The following SLC37A3 variants were observed in gnomAD, a reference collection of about 807,000 sequenced individuals.
SLC37A3 encodes sugar phosphate exchanger 3.
A neutral mutation model predicts 67.1 loss-of-function variants in SLC37A3; 51 were observed. The ratio of observed to expected loss-of-function variants is 0.76; its 90% CI spans 0.61 to 0.96. The LOEUF (loss-of-function observed/expected upper bound fraction) is 0.96. SLC37A3 is among the 40% of genes least tolerant of loss of function. The pLI is 0.00. For missense variants in SLC37A3, 508 were observed against 603.0 expected, an observed-to-expected ratio of 0.84 and a Z score of 1.65; for synonymous variants, 214 against 231.4, an observed-to-expected ratio of 0.92 and a Z score of 0.68.
At chr7:140,368,890 C>G (rs1797711353) in intron 4 of SLC37A3, among the ~76,000 whole-genome samples, 1 of 152,178 alleles carries the variant, frequency 6.6e-6, no homozygotes. Context: ...CCCCCAACCT[C>G]TATTACTGTT....
intron 3 of SLC37A3, among the ~76,000 whole-genome samples, chr7:140,374,784 G>A (rs939371771): frequency 1.3e-5 from 2 of 152,004 alleles, no homozygotes; most frequent in African/African-American, 2.4e-5. Context: ...CTTGAGCCCA[G>A]GACTTCAAGG....
rs749727799 is a variant in SLC37A3, at chr7:140,345,987, G to C, written c.1025-17C>G. 6.3e-7 allele frequency: 1 copy of C among 1,592,810 alleles called. No individual in the cohort carries two copies. Among genetic ancestry groups the C allele is most frequent in the Non-Finnish European group, 8.6e-7 (1 of 1,161,006 alleles). On this transcript the variant is annotated splice_polypyrimidine_tract_variant and intron_variant, in intron 10 of 14. Coordinates refer to ENST00000326232, the MANE Select transcript of SLC37A3 (RefSeq NM_207113.3). ...AAGTTCCACCTTCAAGCAGAGTGTCGAGCAATCAAAATCACTTCTAATTTA... is the reference window on the plus strand; with the variant it reads ...AAGTTCCACCTTCAAGCAGAGTGTCCAGCAATCAAAATCACTTCTAATTTA...
rs749727799 is a variant in SLC37A3, at chr7:140,345,987, G to A, written c.1025-17C>T. 1.1e-5 allele frequency: 17 copies of A among 1,592,810 alleles called. No individual in the cohort carries two copies. Among genetic ancestry groups the A allele is most frequent in the South Asian group, 3.3e-5 (3 of 90,644 alleles). On this transcript the variant is annotated splice_polypyrimidine_tract_variant and intron_variant, in intron 10 of 14. Coordinates refer to ENST00000326232, the MANE Select transcript of SLC37A3 (RefSeq NM_207113.3). ...AAGTTCCACCTTCAAGCAGAGTGTC[G>A]AGCAATCAAAATCACTTCTAATTTA...
intron 6 of SLC37A3, 142 bp from the exon 7 acceptor site, chr7:140,355,906 T>A: frequency 3.0e-6 from 2 of 667,182 alleles, no homozygotes; most frequent in Non-Finnish European, 5.1e-6. Flanking sequence ...AAAAATACAC[T>A]AAAATGGGCT....
intron 10 of SLC37A3, among the ~76,000 whole-genome samples, chr7:140,347,723 A>G (rs1261908559): frequency 6.6e-6 from 1 of 151,346 alleles, no homozygotes; most frequent in Non-Finnish European, 1.5e-5. Context: ...CCTTGTTCAT[A>G]CTTATTACCT....
intron 2 of SLC37A3, among the ~76,000 whole-genome samples, chr7:140,380,648 C>A (rs542828905): frequency 6.6e-6 from 1 of 151,948 alleles, no homozygotes; most frequent in South Asian, 2.1e-4. Context: ...GGGCTCAAGC[C>A]AGCCTCCCAG....
chr7:140,382,599 G>GGTCGCCGCTCTCCAGCCCCGGCTCCGCTC lies in SLC37A3; in HGVS notation c.-70-4_-70-3insGAGCGGAGCCGGGGCTGGAGAGCGGCGAC. On this transcript the variant is annotated splice_region_variant and splice_polypyrimidine_tract_variant and intron_variant, in intron 1 of 14. Coordinates refer to ENST00000326232, the MANE Select transcript of SLC37A3 (RefSeq NM_207113.3). The stretch of plus-strand genomic sequence containing the variant: ...GTGATTTACATCATTTCTTCCTTCT[G>GGTCGCCGCTCTCCAGCCCCGGCTCCGCTC]GAAAGACAAAACACATTATGGACAT... The GGTCGCCGCTCTCCAGCCCCGGCTCCGCTC allele has an allele frequency of 3.0e-6, 4 of 1,345,828 alleles. No individual in the cohort carries two copies. The highest frequency in any genetic ancestry group is 3.2e-6 in the Non-Finnish European group (3 of 945,468). 83.4% of individuals were successfully genotyped at this position (1,345,828 alleles called of 1,614,324 possible).
At chr7:140,393,022 G>A (rs1016069896) in intron 1 of SLC37A3, among the ~76,000 whole-genome samples, 1 of 152,100 alleles carries the variant, frequency 6.6e-6, no homozygotes, top group African/African-American at 2.4e-5. Context: ...AACCCAGGAG[G>A]TGGAGGTTGC....
intron 3 of SLC37A3, among the ~76,000 whole-genome samples, chr7:140,374,814 T>C (rs1450136566): frequency 6.6e-6 from 1 of 151,566 alleles, no homozygotes; most frequent in African/African-American, 2.4e-5. Flanking sequence ...GCTATGATCA[T>C]GCCACTGTAC....
At chr7:140,375,174 C>CA (rs71170987) in intron 3 of SLC37A3, among the ~76,000 whole-genome samples, 132 of 141,554 alleles carry the variant, frequency 9.3e-4, no homozygotes, top group Middle Eastern at 3.8e-3. Context: ...CAAAAAACAA[C>CA]AAAAAAAAAA....
At chr7:140,393,419 C>T (rs1208264178) in intron 1 of SLC37A3, among the ~76,000 whole-genome samples, 1 of 152,190 alleles carries the variant, frequency 6.6e-6, no homozygotes, top group Non-Finnish European at 1.5e-5. Context: ...AATCCTTTGC[C>T]AGGCCGCCTG....
chr7:140,395,505 C>G (rs1236847338), intron 1 of SLC37A3, among the ~76,000 whole-genome samples: 1 of 150,538 alleles, frequency 6.6e-6, no homozygotes, highest in African/African-American at 2.4e-5. Flanking sequence ...GTCAGGAGTT[C>G]TAGACCACCC....
At chr7:140,350,422 T>C (rs1051585154) in intron 9 of SLC37A3, among the ~76,000 whole-genome samples, 1 of 152,180 alleles carries the variant, frequency 6.6e-6, no homozygotes, top group Non-Finnish European at 1.5e-5. Flanking sequence ...TGGAAAACAC[T>C]GGAATGCATT....
At chr7:140,344,415 C>A (rs543588494) in intron 12 of SLC37A3, among the ~76,000 whole-genome samples, 2 of 151,548 alleles carry the variant, frequency 1.3e-5, no homozygotes, top group South Asian at 2.1e-4. Flanking sequence ...GTGACAAGAG[C>A]GAGACTCCTT....
In SLC37A3 at chr7:140,397,382, C is replaced by T. The variant is rs1007817257; in HGVS notation, c.-71+1034G>A. On this transcript the variant is annotated intron_variant, in intron 1 of 14. Transcript: ENST00000326232. ...CTAATCTTTGTATTTTTAGTAGAGA[C>T]GGGGTTTCACCATGTTGGCCAGGCT... 4.6e-5 allele frequency among the ~76,000 whole-genome samples: 7 copies of T among 151,656 alleles called. No individual in the cohort carries two copies. The South Asian group carries it at 6.2e-4, about 14-fold the overall frequency.
intron 7 of SLC37A3, among the ~76,000 whole-genome samples, chr7:140,354,517 G>C (rs771202223): frequency 2.0e-5 from 3 of 151,574 alleles, no homozygotes; most frequent in Non-Finnish European, 2.9e-5. Flanking sequence ...GTCCCTGTTG[G>C]TCAGTTCTAT....
chr7:140,369,689 T>TG lies in SLC37A3; in HGVS notation c.199-8_199-7insC. On this transcript the variant is annotated splice_region_variant and splice_polypyrimidine_tract_variant and intron_variant, in intron 3 of 14. Transcript: ENST00000326232. ...AATGGTTGCTGCTCCAGATCTACAG[T>TG]AAGACAGCAGGAACAGGTCAGTCCC... 1 of 1,612,484 alleles carries TG rather than the reference T, an allele frequency of 6.2e-7. No individual in the cohort carries two copies.
chr7:140,340,512 G>A (rs1796318950), intron 13 of SLC37A3, among the ~76,000 whole-genome samples: 3 of 151,992 alleles, frequency 2.0e-5, no homozygotes, highest in Admixed American at 2.0e-4. Flanking sequence ...AATTAATGCA[G>A]AACGACTATG....
In SLC37A3 at chr7:140,392,714, G is replaced by C. The variant is rs923290943; in HGVS notation, c.-71+5702C>G. ...GTTGGTACAGATGGAGGAGGAGCCT[G>C]CCTGAGCCAATATCTAAACTGCAGA... On this transcript the variant is annotated intron_variant, in intron 1 of 14. Coordinates refer to ENST00000326232, the MANE Select transcript of SLC37A3 (RefSeq NM_207113.3). Among the ~76,000 whole-genome samples the C allele has an allele frequency of 5.9e-5, 9 of 152,270 alleles. No individual in the cohort carries two copies. In the South Asian group the frequency reaches 8.3e-4, roughly 14 times the overall value.
Sources: allele counts gnomAD v4.1 joint callset (sites outside exome capture counted in the v4.1 genomes callset), GRCh38; gene constraint gnomAD v4.1.1; transcripts MANE v1.5; gene names NCBI Gene and HGNC (gene_info 2026-07-23, HGNC 2026-07-21).